Variants in MFSD12 observed in about 807,000 individuals in gnomAD.
The protein encoded by MFSD12 is major facilitator superfamily domain containing 12.
A neutral mutation model predicts 51.2 loss-of-function variants in MFSD12; 67 were observed. The observed-to-expected ratio is 1.31, with a 90% CI of 1.08 to 1.60. The LOEUF (loss-of-function observed/expected upper bound fraction) is 1.60. Among genes scored for constraint, MFSD12 ranks in the 40% most tolerant of loss-of-function variants. The probability of loss-of-function intolerance (pLI) is 0.00; values close to 1 mark genes in which losing one functional copy is unlikely to be tolerated. For synonymous variants in MFSD12, 441 were observed against 316.7 expected, an observed-to-expected ratio of 1.39 and a Z score of -4.17; for missense variants, 921 against 673.0, an observed-to-expected ratio of 1.37 and a Z score of -4.08.
At position 3,550,905 on chromosome 19, in the gene MFSD12, G is replaced by C. The variant is rs535713952; in HGVS notation, c.509+79C>G. On this transcript the variant is annotated intron_variant, in intron 2 of 9. Transcript: ENST00000355415. ...GTCTCGAGCTGCCGAGTCTGTGGCC[G>C]CTCATTATGCAGTGCCACTGACTGA... 9.9e-6 allele frequency: 12 copies of C among 1,215,370 alleles called. No individual in the cohort carries two copies. The East Asian group carries it at 2.7e-4, about 28-fold the overall frequency. The allele number at this position is 1,215,370 out of a possible 1,614,324, so 75.3% of individuals were successfully genotyped here. A position where few individuals can be genotyped will look rare whatever the true frequency, so the allele number is the denominator to read the frequency against.
At chr19:3,542,929 T>G (rs767859688), downstream of MFSD12, 1 of 1,460,328 alleles carries the variant, frequency 6.8e-7, no homozygotes, top group South Asian at 1.1e-5. Context: ...AATCCAGGAG[T>G]AGCCAGGGCC....
At chr19:3,555,739 G>GC (rs1445584070) in intron 1 of MFSD12, among the ~76,000 whole-genome samples, 1 of 152,208 alleles carries the variant, frequency 6.6e-6, no homozygotes, top group Non-Finnish European at 1.5e-5. Context: ...GCACCCGCCT[G>GC]CCCCTCCTGC....
Position 3,547,498 on chromosome 19 carries a change from G to A in MFSD12, c.887C>T (p.Thr296Ile), listed in dbSNP as rs769003213. 7 of 1,612,978 alleles carry A rather than the reference G, an allele frequency of 4.3e-6. No individual in the cohort carries two copies. The highest frequency in any genetic ancestry group is 5.9e-6 in the Non-Finnish European group (7 of 1,179,944). ...TTRLIVNLSQTYMAMYLTYSL... is the reference protein window; with the variant it reads ...TTRLIVNLSQIYMAMYLTYSL... ...GTAGGTGAGGTACATGGCCATGTAG[G>A]TCTGGGACAGGTTCACGATGAGCCT... The change falls in exon 5 of 10, where the codon ACC becomes ATC. Residue 296 changes from threonine (T) to isoleucine (I), a missense_variant. Physicochemically the swap from Thr to Ile is moderately conservative, Grantham distance 89 (BLOSUM62 -1). Transcript: ENST00000355415.
chr19:3,544,776 T>G (rs377004350), intron 9 of MFSD12, 33 bp downstream of exon 9: 21 of 1,505,580 alleles, frequency 1.4e-5, no homozygotes, highest in Non-Finnish European at 1.8e-5. Context: ...TGTGGGTCAG[T>G]GTCTGGGGAG....
chr19:3,547,447 C>G lies in MFSD12; in HGVS notation c.930+8G>C, dbSNP rs2145194871. 1 of 1,612,882 alleles carries G rather than the reference C, an allele frequency of 6.2e-7. No individual in the cohort carries two copies. Among genetic ancestry groups the G allele is most frequent in the East Asian group, 2.2e-5 (1 of 44,868 alleles). ...CCCATCCCAGCGTCCCCGCCCCAAT[C>G]TGCTCACCTTGGGCAGGTGGAGCGA... On this transcript the variant is annotated splice_region_variant and intron_variant, in intron 5 of 9. Coordinates refer to ENST00000355415, the MANE Select transcript of MFSD12 (RefSeq NM_174983.5).
chr19:3,539,293 G>GCCCCCCCCCCCCCCCCCCCCC, downstream of MFSD12: 1 of 1,314,166 alleles, frequency 7.6e-7, no homozygotes. Context: ...GCCCCTCCCA[G>GCCCCCCCCCCCCCCCCCCCCC]CCCCTCCCTC....
chr19:3,546,386 CA>C lies in MFSD12; in HGVS notation c.1062del (p.Phe354LeufsTer36), dbSNP rs2031053685. ...CCCTCCGCCAGCGCCACCCAGGCGGCAAAGGCCAGGATCACCAGGAGGCCTG... is the reference window on the plus strand; with the variant it reads ...CCCTCCGCCAGCGCCACCCAGGCGGCAAGGCCAGGATCACCAGGAGGCCTG... ...YFSGLLVILA[F>X]AAWVALAEGL... On this transcript the variant is annotated frameshift_variant, in exon 7 of 10. Coordinates refer to ENST00000355415, the MANE Select transcript of MFSD12 (RefSeq NM_174983.5). LOFTEE classifies it high-confidence loss of function. 6.8e-6 allele frequency: 11 copies of C among 1,608,256 alleles called. No homozygotes were observed. Among genetic ancestry groups the C allele is most frequent in the Non-Finnish European group, 9.3e-6 (11 of 1,177,992 alleles).
At chr19:3,543,038 G>A (rs945866509), downstream of MFSD12, 5 of 1,606,342 alleles carry the variant, frequency 3.1e-6, no homozygotes, top group African/African-American at 5.3e-5. Context: ...TGGGGAGAGG[G>A]GGAGTCAGCC....
At position 3,551,296 on chromosome 19, in the gene MFSD12, G is replaced by A. The variant is rs1338005599; in HGVS notation, c.299-102C>T. ...GAGAGAGGGAAACTGAGGCACAGAT[G>A]GAGACGCCCCCCGCATGCACACAGT... On this transcript the variant is annotated intron_variant, in intron 1 of 9. Coordinates refer to ENST00000355415, the MANE Select transcript of MFSD12 (RefSeq NM_174983.5). This position sits in a 1 kb window ranked among gnomAD's most constrained non-coding sequence, Gnocchi z 4.6. 18 of 924,672 alleles carry A rather than the reference G, an allele frequency of 1.9e-5. No individual in the cohort carries two copies. The highest frequency in any genetic ancestry group is 2.9e-5 in the Non-Finnish European group (18 of 624,700). The allele number at this position is 924,672 out of a possible 1,614,324, so 57.3% of individuals were successfully genotyped here.
downstream of MFSD12, chr19:3,543,611 T>C: frequency 1.3e-6 from 2 of 1,544,474 alleles, no homozygotes; most frequent in Middle Eastern, 4.3e-4. Flanking sequence ...CCCTGCCCAG[T>C]ACCAGGCCCC....
chr19:3,543,474 G>T (rs1241766180), downstream of MFSD12: 8 of 1,529,954 alleles, frequency 5.2e-6, no homozygotes, highest in Non-Finnish European at 7.0e-6. Context: ...ATGCCATCGG[G>T]TGAGTGCCCC....
At chr19:3,542,748 G>A, downstream of MFSD12, 4 of 1,343,696 alleles carry the variant, frequency 3.0e-6, no homozygotes, top group Non-Finnish European at 4.0e-6. Context: ...CTCCCAAAGT[G>A]CTGGGTTTAC....
rs1298524759 is a variant in MFSD12, at chr19:3,544,303, G to A, written c.*407C>T. 3 of 1,278,424 alleles carry A rather than the reference G, an allele frequency of 2.3e-6. No individual in the cohort carries two copies. The highest frequency in any genetic ancestry group is 3.8e-5 in the Admixed American group (1 of 26,482). 79.2% of individuals were successfully genotyped at this position (1,278,424 alleles called of 1,614,324 possible). A position where few individuals can be genotyped will look rare whatever the true frequency, so the allele number is the denominator to read the frequency against. On this transcript the variant is annotated 3_prime_UTR_variant, in exon 10 of 10. Transcript: ENST00000355415. ...AGGCCCAGCCCACCACCCCGTGGCT[G>A]TCTCCTCCAGGCTCCAGCCGTCCTG...
downstream of MFSD12, chr19:3,543,747 A>G: frequency 1.3e-6 from 2 of 1,492,586 alleles, no homozygotes; most frequent in Non-Finnish European, 9.0e-7. Context: ...CCAGGGTGAA[A>G]CTGCCCGGGG....
At chr19:3,542,661 T>G, downstream of MFSD12, 1 of 1,142,532 alleles carries the variant, frequency 8.8e-7, no homozygotes, top group Non-Finnish European at 1.1e-6. Context: ...TTTCGTATTT[T>G]TAGTAGAGAT....
downstream of MFSD12, chr19:3,539,274 T>G (rs1355504567): frequency 6.5e-7 from 1 of 1,528,936 alleles, no homozygotes; most frequent in Non-Finnish European, 8.9e-7. Flanking sequence ...AGCCCCTCCC[T>G]ACAGGTGAGC....
chr19:3,546,308 T>TGGCACAGCCAGCACCCAGC lies in MFSD12; in HGVS notation c.1122_1140dup (p.Thr381AlafsTer39). ...ATGGCCAGCGAGGTGACGAGGATGG[T>TGGCACAGCCAGCACCCAGC]GGCACAGCCAGCACCCAGCAGCACA... On this transcript the variant is annotated frameshift_variant, in exon 7 of 10. Coordinates refer to ENST00000355415, the MANE Select transcript of MFSD12 (RefSeq NM_174983.5). LOFTEE classifies it high-confidence loss of function. 1 of 1,609,758 alleles carries TGGCACAGCCAGCACCCAGC rather than the reference T, an allele frequency of 6.2e-7. No individual in the cohort carries two copies. The highest frequency in any genetic ancestry group is 2.2e-5 in the East Asian group (1 of 44,736).
intron 1 of MFSD12, among the ~76,000 whole-genome samples, chr19:3,555,327 C>T (rs954674763): frequency 1.3e-5 from 2 of 152,152 alleles, no homozygotes; most frequent in African/African-American, 4.8e-5. Context: ...AGGTTGGTCT[C>T]AAACTCCTGA....
intron 2 of MFSD12, 104 bp from the exon 3 acceptor site, chr19:3,548,371 C>T (rs891426115): frequency 7.0e-7 from 1 of 1,438,442 alleles, no homozygotes. Context: ...CCCTGACTGA[C>T]AGGTGATTCC....
Sources: allele counts gnomAD v4.1 joint callset (sites outside exome capture counted in the v4.1 genomes callset), GRCh38; gene constraint gnomAD v4.1.1; non-coding constraint Gnocchi (gnomAD v3.1); transcripts MANE v1.5; gene names NCBI Gene and HGNC (gene_info 2026-07-23, HGNC 2026-07-21).